PLEKHA5: variants seen among roughly 807,000 people sequenced by gnomAD.
The protein encoded by PLEKHA5 is pleckstrin homology domain containing A5, also known as pleckstrin homology domain-containing family A member 5.
PLEKHA5 carries 55 observed loss-of-function variants against 181.9 expected under a neutral mutation model. That is an observed-to-expected ratio of 0.30 (90% CI 0.24 to 0.38). The LOEUF is 0.38. PLEKHA5 is among the 10% of genes least tolerant of loss of function. The probability of loss-of-function intolerance (pLI) is 1.00; values close to 1 mark genes in which losing one functional copy is unlikely to be tolerated. For synonymous variants in PLEKHA5, 535 were observed against 529.4 expected, an observed-to-expected ratio of 1.01 and a Z score of -0.15; for missense variants, 1,432 against 1,549.5, an observed-to-expected ratio of 0.92 and a Z score of 1.27.
intron 3 of PLEKHA5, among the ~76,000 whole-genome samples, chr12:19,162,364 C>T (rs775024747): frequency 9.9e-5 from 15 of 152,094 alleles, no homozygotes; most frequent in Non-Finnish European, 1.9e-4. Context: ...AGGGTTCAGT[C>T]AGAAGCTGTT....
intron 3 of PLEKHA5, chr12:19,205,528 C>A: frequency 4.8e-6 from 1 of 209,636 alleles, no homozygotes; most frequent in Non-Finnish European, 8.3e-6. Context: ...ATATCTGCTG[C>A]TTTTTTGTAC....
intron 3 of PLEKHA5, among the ~76,000 whole-genome samples, chr12:19,233,144 A>G (rs2060888835): frequency 6.6e-6 from 1 of 152,192 alleles, no homozygotes; most frequent in Admixed American, 6.5e-5. Context: ...TTTTGTAATT[A>G]GTGTTACTTT....
At chr12:19,283,848 A>G in intron 12 of PLEKHA5, 103 bp downstream of exon 12, 1 of 684,902 alleles carries the variant, frequency 1.5e-6, no homozygotes, top group Non-Finnish European at 2.4e-6. Context: ...ATGGGGATAA[A>G]GTAAGCAAGG....
chr12:19,172,455 AC>A (rs762199301), intron 3 of PLEKHA5, among the ~76,000 whole-genome samples: 1 of 152,094 alleles, frequency 6.6e-6, no homozygotes, highest in Non-Finnish European at 1.5e-5. Flanking sequence ...AAAACAAACG[AC>A]CCGGGGGGGC....
At chr12:19,176,396 G>A (rs987872940) in intron 3 of PLEKHA5, 2 of 151,732 alleles carry the variant, frequency 1.3e-5, no homozygotes, top group African/African-American at 4.8e-5. Context: ...TCTGTTTCCA[G>A]TCTGGGCCAG....
chr12:19,330,808 A>G (rs149534014), intron 20 of PLEKHA5, among the ~76,000 whole-genome samples: 2 of 152,266 alleles, frequency 1.3e-5, no homozygotes, highest in East Asian at 3.9e-4. Flanking sequence ...CTCGAAATAT[A>G]CCAGTAAAAT....
chr12:19,282,924 G>A (rs2076483509), intron 11 of PLEKHA5, among the ~76,000 whole-genome samples: 1 of 151,792 alleles, frequency 6.6e-6, no homozygotes, highest in African/African-American at 2.4e-5. Flanking sequence ...AGCTGGGCAC[G>A]GTGGCTCATG....
intron 3 of PLEKHA5, among the ~76,000 whole-genome samples, chr12:19,145,277 T>C (rs2038608700): frequency 6.6e-6 from 1 of 152,138 alleles, no homozygotes; most frequent in Non-Finnish European, 1.5e-5. Flanking sequence ...TAGTAGTTAT[T>C]ATCAGTGGCA....
chr12:19,240,428 A>T (rs556077300), intron 3 of PLEKHA5, among the ~76,000 whole-genome samples: 45 of 146,946 alleles, frequency 3.1e-4, no homozygotes, highest in African/African-American at 1.0e-3. Flanking sequence ...ACAAATTAGC[A>T]TTCATTAGGG....
chr12:19,260,438 A>G (rs908897172), intron 6 of PLEKHA5, among the ~76,000 whole-genome samples: 1 of 152,162 alleles, frequency 6.6e-6, no homozygotes, highest in African/African-American at 2.4e-5. Context: ...GCATGATGGT[A>G]TTTTCGGAGA....
At chr12:19,306,592 C>G in intron 15 of PLEKHA5, 3 of 826,934 alleles carry the variant, frequency 3.6e-6, no homozygotes, top group Non-Finnish European at 6.3e-6. Context: ...CGGGCCCTAG[C>G]GGCGGGCCCA....
At chr12:19,165,437 A>G (rs10770439) in intron 3 of PLEKHA5, among the ~76,000 whole-genome samples, 118,715 of 144,918 alleles carry the variant, frequency 0.82, 47,781 homozygotes, top group Non-Finnish European at 0.89. Context: ...TGTGTACTCT[A>G]TTTTTTTTTT....
At chr12:19,307,679 A>G in intron 15 of PLEKHA5, 1 of 339,420 alleles carries the variant, frequency 2.9e-6, no homozygotes, top group Non-Finnish European at 5.9e-6. Context: ...TCAAAAGCCC[A>G]AGACAGAGAA....
intron 3 of PLEKHA5, among the ~76,000 whole-genome samples, chr12:19,253,169 G>A (rs1467164316): frequency 7.1e-6 from 1 of 140,608 alleles, no homozygotes; most frequent in African/African-American, 2.6e-5. Flanking sequence ...CCATCACCCA[G>A]GTTCAAGCGA....
intron 3 of PLEKHA5, among the ~76,000 whole-genome samples, chr12:19,208,426 A>T (rs1406183299): frequency 6.7e-6 from 1 of 149,810 alleles, no homozygotes; most frequent in East Asian, 1.9e-4. Context: ...AAAAAAGTTC[A>T]TTTTTTCACT....
intron 15 of PLEKHA5, among the ~76,000 whole-genome samples, chr12:19,312,935 C>T (rs1317569302): frequency 2.6e-5 from 4 of 152,168 alleles, no homozygotes. Context: ...TGCAAGTCTT[C>T]CTTTCACTTG....
At chr12:19,313,292 C>T (rs932271489) in intron 15 of PLEKHA5, among the ~76,000 whole-genome samples, 3 of 152,040 alleles carry the variant, frequency 2.0e-5, no homozygotes, top group African/African-American at 7.2e-5. Flanking sequence ...GGAGGATCGC[C>T]TAAGCCTAGG....
intron 3 of PLEKHA5, among the ~76,000 whole-genome samples, chr12:19,182,072 A>G (rs1395102127): frequency 2.0e-5 from 3 of 152,190 alleles, no homozygotes; most frequent in Non-Finnish European, 4.4e-5. Context: ...TGTTTTTTAA[A>G]GGCAGCAAAA....
intron 8 of PLEKHA5, among the ~76,000 whole-genome samples, chr12:19,268,044 G>A (rs368063529): frequency 6.6e-6 from 1 of 152,228 alleles, no homozygotes; most frequent in South Asian, 2.1e-4. Flanking sequence ...GGTGATGGAC[G>A]GCCTCAATGA....
Sources: gnomAD v4.1 joint callset for allele counts (sites outside exome capture counted in the v4.1 genomes callset) on GRCh38, gnomAD v4.1.1 for gene constraint, MANE v1.5 for transcripts, NCBI Gene and HGNC (gene_info 2026-07-23, HGNC 2026-07-21) for gene names.